The following ZNF57 variants were observed in gnomAD, a reference collection of about 807,000 sequenced individuals.
The protein encoded by ZNF57 is zinc finger protein 424.
A neutral mutation model predicts 13.4 loss-of-function variants in ZNF57; 11 were observed. That is an observed-to-expected ratio of 0.82 (90% confidence interval 0.52 to 1.36). ZNF57 has a LOEUF of 1.36. ZNF57 is among the 40% of genes most tolerant of loss of function. The pLI, the probability that ZNF57 is intolerant of heterozygous loss-of-function variation, is 0.00. For synonymous variants in ZNF57, 224 were observed against 238.5 expected, an observed-to-expected ratio of 0.94 and a Z score of 0.56; for missense variants, 696 against 667.5, an observed-to-expected ratio of 1.04 and a Z score of -0.47.
chr19:2,907,368 G>A (rs567757548), intron 1 of ZNF57, among the ~76,000 whole-genome samples: 2 of 152,174 alleles, frequency 1.3e-5, no homozygotes, highest in South Asian at 2.1e-4. Flanking sequence ...GCAGGCCCAC[G>A]AGCCTGTCCC....
intron 1 of ZNF57, among the ~76,000 whole-genome samples, chr19:2,911,894 GTT>G (rs1273560381): frequency 2.6e-5 from 4 of 152,126 alleles, no homozygotes; most frequent in African/African-American, 9.7e-5. Context: ...CACTTCACCT[GTT>G]AATCATACTT....
chr19:2,913,651 T>C (rs1010015826), intron 1 of ZNF57, among the ~76,000 whole-genome samples: 6 of 151,246 alleles, frequency 4.0e-5, no homozygotes, highest in Non-Finnish European at 8.8e-5. Context: ...TCAGAGAACA[T>C]ACTTATTTCT....
intron 1 of ZNF57, among the ~76,000 whole-genome samples, chr19:2,912,561 AGGG>A (rs1392611093): frequency 6.6e-6 from 1 of 152,044 alleles, no homozygotes; most frequent in East Asian, 1.9e-4. Context: ...CTTCAGTTTG[AGGG>A]GGCAGAGCTT....
chr19:2,901,000 G>A lies in ZNF57; in HGVS notation c.-46G>A. 2.6e-6 allele frequency: 4 copies of A among 1,552,196 alleles called. No individual in the cohort carries two copies. Among genetic ancestry groups the A allele is most frequent in the Non-Finnish European group, 2.6e-6 (3 of 1,147,112 alleles). ...TGTACCTTTCAGCTGCGCCGGCCGC[G>A]AGGCCACGGAGAGCTCGCCTTGGAG... On this transcript the variant is annotated 5_prime_UTR_variant, in exon 1 of 4. Transcript: ENST00000306908.
At chr19:2,909,377 T>G (rs2088113069) in intron 1 of ZNF57, among the ~76,000 whole-genome samples, 1 of 68,612 alleles carries the variant, frequency 1.5e-5, no homozygotes, top group Admixed American at 1.6e-4. Flanking sequence ...GCCTCCTGGG[T>G]TCACGCCATT....
intron 3 of ZNF57, 58 bp from the exon 4 acceptor site, chr19:2,916,866 A>C: frequency 7.2e-7 from 1 of 1,396,122 alleles, no homozygotes; most frequent in Non-Finnish European, 9.7e-7. Flanking sequence ...TTGTTAATAC[A>C]TCTCAACACA....
Position 2,917,045 on chromosome 19 carries a change from T to C in ZNF57, c.424T>C (p.Cys142Arg). Residue 142 changes from cysteine to arginine, a missense_variant, in exon 4 of 4, where the codon TGC becomes CGC. Cys to Arg is a radical substitution (Grantham distance 180, BLOSUM62 -3). Around this residue, in one of 3 missense-constraint regions of ZNF57, gnomAD observed 645 missense variants for 591.5 expected, o/e 1.09. Coordinates refer to ENST00000306908, the MANE Select transcript of ZNF57 (RefSeq NM_173480.3). ...KVSAGEKPYE[C>R]TKCRTVFTHL... ...TTCTGCTGGAGAAAAACCATATGAA[T>C]GCACCAAGTGCAGGACAGTCTTCAC... 6.2e-7 allele frequency: 1 copy of C among 1,614,208 alleles called. No homozygotes were observed. Among genetic ancestry groups the C allele is most frequent in the South Asian group, 1.1e-5 (1 of 91,082 alleles).
Position 2,917,385 on chromosome 19 carries a change from AG to A in ZNF57, c.766del (p.Glu256AsnfsTer16). 1 of 1,614,264 alleles carries A rather than the reference AG, an allele frequency of 6.2e-7. No individual in the cohort carries two copies. Among genetic ancestry groups the A allele is most frequent in the Non-Finnish European group, 8.5e-7 (1 of 1,180,050 alleles). ...THTKDRPYKC[Q>X]ECGRAFIYPS... Reference sequence around the variant, plus strand: ...ACAAAAGACAGGCCATATAAATGTCAGGAATGTGGGAGAGCCTTCATTTATC... The same window carrying A: ...ACAAAAGACAGGCCATATAAATGTCAGAATGTGGGAGAGCCTTCATTTATC... On this transcript the variant is annotated frameshift_variant, in exon 4 of 4. Transcript: ENST00000306908. LOFTEE classifies it low-confidence loss of function (END_TRUNC).
Position 2,917,406 on chromosome 19 carries a change from T to C in ZNF57, c.785T>C (p.Ile262Thr). 6.2e-7 allele frequency: 1 copy of C among 1,614,078 alleles called. No homozygotes were observed. Among genetic ancestry groups the C allele is most frequent in the Non-Finnish European group, 8.5e-7 (1 of 1,180,024 alleles). Residue 262 changes from isoleucine (I) to threonine (T), a missense_variant, in exon 4 of 4, where the codon ATT becomes ACT. Physicochemically the swap from Ile to Thr is moderately conservative, Grantham distance 89 (BLOSUM62 -1). Coordinates refer to ENST00000306908, the MANE Select transcript of ZNF57 (RefSeq NM_173480.3). Reference protein sequence around the residue: ...YKCQECGRAFIYPSTFQRHMT... With the variant: ...YKCQECGRAFTYPSTFQRHMT... ...TGTCAGGAATGTGGGAGAGCCTTCA[T>C]TTATCCCTCGACATTTCAAAGACAC... is the stretch of plus-strand genomic sequence containing the variant.
rs1212928482 is a variant in ZNF57, at chr19:2,916,208, T to C, written c.261T>C (p.Asn87=). Residue 87 remains asparagine (N), a synonymous_variant, in exon 3 of 4, where the codon AAT becomes AAC. Coordinates refer to ENST00000306908, the MANE Select transcript of ZNF57 (RefSeq NM_173480.3). The part of the protein sequence containing the change: ...NNSCAYTLEK[N]CEGYGTEDHH... Reference sequence around the variant, plus strand: ...CCTGTGCCTACACTTTAGAAAAAAATTGTGAAGGCTATGGCACTGAAGACC... The same window carrying C: ...CCTGTGCCTACACTTTAGAAAAAAACTGTGAAGGCTATGGCACTGAAGACC... 2 of 1,613,160 alleles carry C rather than the reference T, an allele frequency of 1.2e-6. No homozygotes were observed. The highest frequency in any genetic ancestry group is 1.6e-4 in the Middle Eastern group (1 of 6,080).
rs55682587 is a variant in ZNF57 at position 2,917,691 on chromosome 19, C to T, written c.1070C>T (p.Thr357Met). Residue 357 changes from threonine (T) to methionine (M), a missense_variant, in exon 4 of 4, where the codon ACG becomes ATG. This residue lies in a region of ZNF57 where 645 missense variants were observed against 591.5 expected (regional missense o/e 1.09). Coordinates refer to ENST00000306908, the MANE Select transcript of ZNF57 (RefSeq NM_173480.3). Reference protein sequence around the residue: ...SSRSFQGHLRTHTGEKPYECK... With the variant: ...SSRSFQGHLRMHTGEKPYECK... ...AGATCATTCCAAGGTCATTTGAGGA[C>T]GCACACTGGAGAGAAACCTTATGAG... 0.036 allele frequency: 57,348 copies of T among 1,612,890 alleles called. 2,608 individuals carry two copies. Among genetic ancestry groups the T allele is most frequent in the South Asian group, 0.15 (13,530 of 91,014 alleles).
chr19:2,918,419 A>AC lies in ZNF57; in HGVS notation c.*133dup. 1 of 990,132 alleles carries AC rather than the reference A, an allele frequency of 1.0e-6. No homozygotes were observed. Among genetic ancestry groups the AC allele is most frequent in the Non-Finnish European group, 1.4e-6 (1 of 690,478 alleles). The allele number at this position is 990,132 out of a possible 1,614,324, so 61.3% of individuals were successfully genotyped here. A position where few individuals can be genotyped will look rare whatever the true frequency, so the allele number is the denominator to read the frequency against. ...TGTCAATACCTCATTTGTAAAACAG[A>AC]CCCATTAGTCGTGAATTTCCAGCTC... On this transcript the variant is annotated 3_prime_UTR_variant, in exon 4 of 4. Coordinates refer to ENST00000306908, the MANE Select transcript of ZNF57 (RefSeq NM_173480.3).
intron 3 of ZNF57, chr19:2,916,555 A>AC (rs1260417074): frequency 8.2e-6 from 2 of 245,104 alleles, no homozygotes; most frequent in African/African-American, 2.3e-5. Flanking sequence ...TACTAAAAAT[A>AC]CCAAAAAAAA....
Position 2,905,410 on chromosome 19 carries a change from C to CCCCCCCCCG in ZNF57, c.3+4370_3+4371insGCCCCCCCC, listed in dbSNP as rs1555677378. Among the ~76,000 whole-genome samples the CCCCCCCCCG allele has an allele frequency of 3.0e-5, 2 of 67,054 alleles. 1 individual carries two copies. The highest frequency in any genetic ancestry group is 9.2e-5 in the Non-Finnish European group (2 of 21,764). The allele number at this position is 67,054 out of a possible 152,430, so 44.0% of individuals were successfully genotyped here. On this transcript the variant is annotated intron_variant, in intron 1 of 3. Coordinates refer to ENST00000306908, the MANE Select transcript of ZNF57 (RefSeq NM_173480.3). The stretch of plus-strand genomic sequence containing the variant: ...GAACTCTTGACTTCAGGTGATCGCC[C>CCCCCCCCCG]CCCCCCCCTCGGCATTCCAAAGTAT...
At chr19:2,912,688 A>G (rs1329006392) in intron 1 of ZNF57, among the ~76,000 whole-genome samples, 2 of 152,242 alleles carry the variant, frequency 1.3e-5, no homozygotes, top group African/African-American at 4.8e-5. Flanking sequence ...ATGCTGGACC[A>G]AAAACTAGAA....
intron 1 of ZNF57, among the ~76,000 whole-genome samples, chr19:2,905,771 A>G (rs947414817): frequency 2.6e-5 from 4 of 151,222 alleles, no homozygotes; most frequent in Admixed American, 2.6e-4. Context: ...TCTCAAAAAA[A>G]AAAAAAAAAG....
chr19:2,914,972 A>C (rs1222481245), intron 1 of ZNF57, among the ~76,000 whole-genome samples: 5 of 152,234 alleles, frequency 3.3e-5, no homozygotes, highest in African/African-American at 4.8e-5. Flanking sequence ...GTTGCCTTTA[A>C]AATAATTTAA....
intron 1 of ZNF57, among the ~76,000 whole-genome samples, chr19:2,902,245 C>A (rs969616585): frequency 1.3e-5 from 2 of 149,448 alleles, no homozygotes; most frequent in Non-Finnish European, 3.0e-5. Flanking sequence ...GTTAGCTGCC[C>A]TGGGGGTTTT....
chr19:2,915,342 G>A (rs1158696942), intron 1 of ZNF57, 180 bp from the exon 2 acceptor site: 4 of 728,762 alleles, frequency 5.5e-6, no homozygotes, highest in African/African-American at 3.6e-5. Context: ...AGTTCAGACT[G>A]ATAGTGGTGC....
Sources: allele counts gnomAD v4.1 joint callset (sites outside exome capture counted in the v4.1 genomes callset), GRCh38; gene constraint gnomAD v4.1.1; regional missense constraint gnomAD v4.1.1; transcripts MANE v1.5; gene names NCBI Gene and HGNC (gene_info 2026-07-23, HGNC 2026-07-21).